Variants in VPS13C observed in about 807,000 individuals in gnomAD.
VPS13C encodes the protein vacuolar protein sorting 13 homolog C, also known as intermembrane lipid transfer protein VPS13C.
Under a neutral mutation model 456.8 loss-of-function variants are expected in VPS13C, and 358 were observed. The observed-to-expected ratio is 0.78, with a 90% CI of 0.72 to 0.86. The LOEUF is 0.86. VPS13C is among the 40% of genes least tolerant of loss of function. The probability of loss-of-function intolerance (pLI) is 0.00; values close to 1 mark genes in which losing one functional copy is unlikely to be tolerated. For missense variants in VPS13C, 4,818 were observed against 4,385.4 expected (o/e 1.10, Z -2.79); for synonymous variants, 1,578 against 1,486.7 (o/e 1.06, Z -1.41).
chr15:61,865,692 A>G (rs1390566032), intron 81 of VPS13C: 2 of 394,524 alleles, frequency 5.1e-6, no homozygotes, highest in Non-Finnish European at 6.9e-6. Flanking sequence ...GTATGTGTAT[A>G]TATATGTGTG....
rs141616465 is a variant in VPS13C, at chr15:61,891,408, T to A, written c.9106-1008A>T. 6.9e-3 allele frequency among the ~76,000 whole-genome samples: 1,045 copies of A among 152,310 alleles called. 9 individuals are homozygous for A. The highest frequency in any genetic ancestry group is 0.024 in the African/African-American group (1,003 of 41,558). On this transcript the variant is annotated intron_variant, in intron 66 of 84. Coordinates refer to ENST00000644861, the MANE Select transcript of VPS13C (RefSeq NM_020821.3). ...TCAAAATTTACTAATACTTTCAAGG[T>A]ACATTATGTGATCAAAGATGCCTGC...
At chr15:61,940,385 A>T (rs1271423991) in intron 47 of VPS13C, among the ~76,000 whole-genome samples, 4 of 152,228 alleles carry the variant, frequency 2.6e-5, no homozygotes, top group African/African-American at 9.6e-5. Flanking sequence ...AAGAAAAGTG[A>T]GGGAAACAAG....
At chr15:62,047,908 G>T (rs1596532908) in intron 1 of VPS13C, among the ~76,000 whole-genome samples, 1 of 152,044 alleles carries the variant, frequency 6.6e-6, no homozygotes, top group Admixed American at 6.6e-5. Context: ...CGATAAAAAA[G>T]ATTTCATTTT....
At chr15:61,859,232 A>C (rs2098850) in intron 82 of VPS13C, among the ~76,000 whole-genome samples, 82,665 of 151,794 alleles carry the variant, frequency 0.54, 22,800 homozygotes, top group Admixed American at 0.62. Context: ...TTAGCTGGTG[A>C]ATGCCTGTGG....
At position 61,881,647 on chromosome 15, in the gene VPS13C, T is replaced by A. The variant is rs370681407; in HGVS notation, c.9707-15A>T. 9 of 1,609,620 alleles carry A rather than the reference T, an allele frequency of 5.6e-6. No individual in the cohort carries two copies. The African/African-American group carries it at 1.1e-4, about 19-fold the overall frequency. On this transcript the variant is annotated splice_polypyrimidine_tract_variant and intron_variant, in intron 70 of 84. Transcript: ENST00000644861. The stretch of plus-strand genomic sequence containing the variant: ...AGGCTTGGGCTCTAAGAGGAAGAAG[T>A]AACACATAAAAAAAAATAATGCTTT...
chr15:61,943,513 T>C (rs540299220), intron 45 of VPS13C, among the ~76,000 whole-genome samples: 1 of 152,178 alleles, frequency 6.6e-6, no homozygotes, highest in Non-Finnish European at 1.5e-5. Flanking sequence ...AAATAGGCAA[T>C]GGGGAAAGGA....
intron 3 of VPS13C, among the ~76,000 whole-genome samples, chr15:62,039,419 T>C (rs1324555898): frequency 6.6e-6 from 1 of 151,984 alleles, no homozygotes; most frequent in African/African-American, 2.4e-5. Context: ...TAATAGCCTT[T>C]ACAGTACACA....
Position 61,967,452 on chromosome 15 carries a change from A to G in VPS13C, c.2912-5T>C. The G allele has an allele frequency of 6.3e-7, 1 of 1,579,228 alleles. No homozygotes were observed. ...GAAGGGGCTTCCTTTTGGATCCTAG[A>G]TTAAAGAAAAAGGAAAAAAAAGTGT... On this transcript the variant is annotated splice_region_variant and splice_polypyrimidine_tract_variant and intron_variant, in intron 28 of 84. Transcript: ENST00000644861.
At chr15:62,046,105 T>C (rs543723130) in intron 1 of VPS13C, among the ~76,000 whole-genome samples, 1 of 151,926 alleles carries the variant, frequency 6.6e-6, no homozygotes, top group African/African-American at 2.4e-5. Flanking sequence ...TCGAAAACTA[T>C]AATAAAGGAA....
chr15:61,936,808 A>G, intron 47 of VPS13C, 58 bp from the exon 48 acceptor site: 1 of 1,480,334 alleles, frequency 6.8e-7, no homozygotes, highest in East Asian at 2.3e-5. Flanking sequence ...AGACTATCAT[A>G]TCTATATCTC....
intron 66 of VPS13C, among the ~76,000 whole-genome samples, chr15:61,891,555 T>C (rs892602731): frequency 8.5e-5 from 13 of 152,210 alleles, no homozygotes; most frequent in African/African-American, 3.1e-4. Context: ...ATTCCAATAT[T>C]ATCTGACTCT....
At chr15:61,914,945 G>C (rs1566996762) in intron 61 of VPS13C, among the ~76,000 whole-genome samples, 1 of 138,998 alleles carries the variant, frequency 7.2e-6, no homozygotes, top group Non-Finnish European at 1.5e-5. Context: ...ACTGAAATTT[G>C]AGAACCACTA....
Position 61,931,195 on chromosome 15 carries a change from G to A in VPS13C, c.5933C>T (p.Ala1978Val), listed in dbSNP as rs746802176. Residue 1978 changes from alanine to valine, a missense_variant, in exon 50 of 85, where the codon GCC becomes GTC. By Grantham distance (64) the Ala-to-Val change is moderately conservative. Around this residue, in one of 3 missense-constraint regions of VPS13C, gnomAD observed 4,552 missense variants for 4,130.6 expected, o/e 1.10. Transcript: ENST00000644861. ...QLGELRLHLM[A>V]SSGKMFKDGS... is the part of the protein sequence containing the mutation. Reference sequence around the variant, plus strand: ...ATCCTTAAACATCTTCCCTGAGGAGGCCATAAGATGTAGTCTGAGTTCACC... The same window carrying A: ...ATCCTTAAACATCTTCCCTGAGGAGACCATAAGATGTAGTCTGAGTTCACC... 1.9e-6 allele frequency: 3 copies of A among 1,614,066 alleles called. No homozygotes were observed. In the South Asian group the frequency reaches 3.3e-5, roughly 18 times the overall value.
At chr15:61,925,334 A>G (rs770552030) in intron 53 of VPS13C, 122 bp downstream of exon 53, 14 of 468,612 alleles carry the variant, frequency 3.0e-5, no homozygotes, top group Non-Finnish European at 5.2e-5. Flanking sequence ...TGATTACTGA[A>G]TATGTGACTA....
chr15:61,916,110 C>A, intron 60 of VPS13C, 88 bp from the exon 61 acceptor site: 2 of 1,389,060 alleles, frequency 1.4e-6, no homozygotes, highest in South Asian at 2.9e-5. Flanking sequence ...AAATAAACTA[C>A]CAGATGCATG....
At chr15:61,878,566 T>A in intron 74 of VPS13C, 41 bp downstream of exon 74, 1 of 1,595,532 alleles carries the variant, frequency 6.3e-7, no homozygotes, top group Non-Finnish European at 8.5e-7. Flanking sequence ...AACATGACCT[T>A]GGTACACCTG....
intron 1 of VPS13C, among the ~76,000 whole-genome samples, chr15:62,048,256 A>AC (rs35315460): frequency 0.18 from 6,453 of 35,864 alleles, 239 homozygotes; most frequent in East Asian, 0.27. Flanking sequence ...CCCTCCCCCC[A>AC]CCCCCCCCAA....
In VPS13C at chr15:62,001,832, T is replaced by C. The variant is rs1394417527; in HGVS notation, c.1291-1206A>G. On this transcript the variant is annotated intron_variant, in intron 15 of 84. Transcript: ENST00000644861. ...TGATTTCCAATTTCATCCATGTCCC[T>C]ACAAAGGACATGAACTCATCATTTT... 5.3e-5 allele frequency among the ~76,000 whole-genome samples: 8 copies of C among 152,242 alleles called. No homozygotes were observed. The East Asian group carries it at 1.5e-3, about 29-fold the overall frequency.
At chr15:61,981,010 C>T (rs750916002) in intron 22 of VPS13C, among the ~76,000 whole-genome samples, 19 of 152,062 alleles carry the variant, frequency 1.2e-4, no homozygotes, top group Non-Finnish European at 2.2e-4. Flanking sequence ...TGTACAATTT[C>T]CTATTGTCAA....
Sources: allele counts gnomAD v4.1 joint callset (sites outside exome capture counted in the v4.1 genomes callset), GRCh38; gene constraint gnomAD v4.1.1; regional missense constraint gnomAD v4.1.1; transcripts MANE v1.5; gene names NCBI Gene and HGNC (gene_info 2026-07-23, HGNC 2026-07-21).